The following TARS3 variants were observed in gnomAD, a reference collection of about 807,000 sequenced individuals.
TARS3 encodes threonine--tRNA ligase 2, cytoplasmic.
In TARS3, 94 loss-of-function variants were observed where a neutral mutation model predicts 103.5. The observed-to-expected ratio is 0.91, with a 90% CI of 0.77 to 1.08. TARS3 has a LOEUF of 1.08. TARS3 is among the 50% of genes least tolerant of loss of function. TARS3 has a pLI of 0.00. For synonymous variants in TARS3, 416 were observed against 355.4 expected, an observed-to-expected ratio of 1.17 and a Z score of -1.92; for missense variants, 952 against 995.2, an observed-to-expected ratio of 0.96 and a Z score of 0.58.
intron 7 of TARS3, among the ~76,000 whole-genome samples, chr15:101,705,380 T>C (rs1899504799): frequency 6.6e-6 from 1 of 152,152 alleles, no homozygotes; most frequent in South Asian, 2.1e-4. Context: ...CACTGCCACA[T>C]TAATAAGAAC....
intron 13 of TARS3, among the ~76,000 whole-genome samples, chr15:101,672,396 C>T (rs1012515302): frequency 3.3e-5 from 5 of 152,120 alleles, no homozygotes. Flanking sequence ...TCCAGTATTC[C>T]CGTGAATCCA....
intron 8 of TARS3, 92 bp from the exon 9 acceptor site, chr15:101,702,477 A>G: frequency 8.9e-7 from 1 of 1,119,318 alleles, no homozygotes; most frequent in South Asian, 1.3e-5. Context: ...CCACTATCAT[A>G]TCAACAAAGC....
At chr15:101,681,059 TTCC>T (rs1301193560) in intron 12 of TARS3, among the ~76,000 whole-genome samples, 3 of 152,224 alleles carry the variant, frequency 2.0e-5, no homozygotes, top group African/African-American at 7.2e-5. Context: ...CATATTACCT[TTCC>T]TCCATTTTAT....
chr15:101,704,570 A>T (rs1899451280), intron 7 of TARS3, among the ~76,000 whole-genome samples: 1 of 151,608 alleles, frequency 6.6e-6, no homozygotes, highest in Non-Finnish European at 1.5e-5. Flanking sequence ...CAGGAGAATC[A>T]CTTGAACCTG....
chr15:101,710,871 A>C (rs1899828729), intron 5 of TARS3, among the ~76,000 whole-genome samples: 1 of 152,206 alleles, frequency 6.6e-6, no homozygotes, highest in Non-Finnish European at 1.5e-5. Flanking sequence ...GAACTGGACT[A>C]AACAACTGGA....
At chr15:101,655,499 G>C (rs1897166595) in intron 18 of TARS3, among the ~76,000 whole-genome samples, 1 of 137,294 alleles carries the variant, frequency 7.3e-6, no homozygotes, top group Admixed American at 7.2e-5. Flanking sequence ...GCTCTTACAG[G>C]CTCACACTGA....
At chr15:101,715,043 GTTT>G in intron 3 of TARS3, 80 bp from the exon 4 acceptor site, 2 of 1,098,124 alleles carry the variant, frequency 1.8e-6, no homozygotes, top group Non-Finnish European at 2.4e-6. Context: ...AATTTCTAGG[GTTT>G]TTTTTTTTTG....
rs76681759 is a variant in TARS3, at chr15:101,718,096, T to C, written c.566+3030A>G. On this transcript the variant is annotated intron_variant, in intron 3 of 18. Coordinates refer to ENST00000335968, the MANE Select transcript of TARS3 (RefSeq NM_152334.3). The stretch of plus-strand genomic sequence containing the variant: ...TAAAAGGGGAGAGTAGGGCTGGGCG[T>C]GGTGGCTTACATCTGTAATCCCAAC... 4.2e-4 allele frequency among the ~76,000 whole-genome samples: 64 copies of C among 152,214 alleles called. No individual in the cohort carries two copies. In the East Asian group the frequency reaches 6.6e-3, roughly 16 times the overall value.
intron 17 of TARS3, 83 bp from the exon 18 acceptor site, chr15:101,657,119 T>TCA (rs981526042): frequency 2.3e-6 from 2 of 875,716 alleles, no homozygotes; most frequent in Non-Finnish European, 3.7e-6. Context: ...CTCTTGGTAT[T>TCA]CACACCTTTG....
At chr15:101,669,185 A>G (rs1897702245) in intron 15 of TARS3, among the ~76,000 whole-genome samples, 1 of 152,206 alleles carries the variant, frequency 6.6e-6, no homozygotes, top group Non-Finnish European at 1.5e-5. Flanking sequence ...TACTAGGCTG[A>G]TGAATGTGTT....
intron 10 of TARS3, among the ~76,000 whole-genome samples, chr15:101,699,635 T>G (rs1445491334): frequency 6.6e-6 from 1 of 152,198 alleles, no homozygotes; most frequent in Non-Finnish European, 1.5e-5. Context: ...CAGTGATTCT[T>G]CAAGTCTCTT....
intron 10 of TARS3, among the ~76,000 whole-genome samples, chr15:101,698,194 T>C (rs1478085721): frequency 6.6e-6 from 1 of 151,920 alleles, no homozygotes; most frequent in Non-Finnish European, 1.5e-5. Flanking sequence ...AAGCCTGGCA[T>C]GGTGGCAGGC....
intron 12 of TARS3, among the ~76,000 whole-genome samples, chr15:101,677,283 T>G (rs1898066304): frequency 6.6e-6 from 1 of 152,180 alleles, no homozygotes; most frequent in Non-Finnish European, 1.5e-5. Context: ...CCTCATCCAA[T>G]CTGTTGAGGG....
chr15:101,701,176 T>C lies in TARS3; in HGVS notation c.1230A>G (p.Glu410=). ...GACTCAAATCGTGGAAAAAGAAAAG[T>C]TCTTGTTCCTAGATTGAAACAAAAA... ...RDHRKIGKEQ[E]LFFFHDLSPG... The change falls in exon 10 of 19, where the codon GAA becomes GAG. Residue 410 remains glutamate (E), a synonymous_variant. Coordinates refer to ENST00000335968, the MANE Select transcript of TARS3 (RefSeq NM_152334.3). The C allele has an allele frequency of 4.4e-6, 7 of 1,589,440 alleles. No homozygotes were observed. Among genetic ancestry groups the C allele is most frequent in the Non-Finnish European group, 5.1e-6 (6 of 1,173,184 alleles).
chr15:101,658,282 C>G (rs1897254533), intron 16 of TARS3, among the ~76,000 whole-genome samples: 2 of 142,394 alleles, frequency 1.4e-5, no homozygotes, highest in South Asian at 4.4e-4. Context: ...TGTGGTGCAT[C>G]CACACTGTGG....
intron 1 of TARS3, among the ~76,000 whole-genome samples, chr15:101,723,724 TGA>T (rs1372390537): frequency 6.6e-6 from 1 of 152,164 alleles, no homozygotes; most frequent in African/African-American, 2.4e-5. Context: ...CCAGAGGGAA[TGA>T]GAGTTTACAT....
intron 9 of TARS3, 87 bp downstream of exon 9, chr15:101,702,151 AT>A: frequency 2.0e-6 from 3 of 1,515,260 alleles, no homozygotes; most frequent in Non-Finnish European, 2.7e-6. Flanking sequence ...AAGAAATCTT[AT>A]TTTTAAAGCA....
In TARS3 at chr15:101,724,446, C is replaced by T. The variant is rs1050458137; in HGVS notation, c.-59G>A. ...GTGCCCGCGACTGCGGCGAGGGCGA[C>T]GCGGACACTCAGCGCACGGCAGAAG... On this transcript the variant is annotated 5_prime_UTR_variant, in exon 1 of 19. Transcript: ENST00000335968. 7.4e-7 allele frequency: 1 copy of T among 1,352,668 alleles called. No homozygotes were observed. The highest frequency in any genetic ancestry group is 9.4e-7 in the Non-Finnish European group (1 of 1,059,822). The allele number at this position is 1,352,668 out of a possible 1,614,324, so 83.8% of individuals were successfully genotyped here. A position where few individuals can be genotyped will look rare whatever the true frequency, so the allele number is the denominator to read the frequency against.
intron 4 of TARS3, 157 bp downstream of exon 4, chr15:101,714,683 C>A (rs1464358704): frequency 1.1e-5 from 4 of 379,380 alleles, no homozygotes; most frequent in Non-Finnish European, 1.3e-5. Context: ...TGTATACATT[C>A]ATGCCACAAA....
Sources: allele counts gnomAD v4.1 joint callset (sites outside exome capture counted in the v4.1 genomes callset), GRCh38; gene constraint gnomAD v4.1.1; transcripts MANE v1.5; gene names NCBI Gene and HGNC (gene_info 2026-07-23, HGNC 2026-07-21).